The following SEMA6D variants were observed in gnomAD, a reference collection of about 807,000 sequenced individuals.
SEMA6D encodes semaphorin 6D.
In SEMA6D, 35 loss-of-function variants were observed where a neutral mutation model predicts 106.6. The ratio of observed to expected loss-of-function variants is 0.33; its 90% CI spans 0.25 to 0.44. SEMA6D has a LOEUF of 0.44. Among genes scored for constraint, SEMA6D ranks in the 20% least tolerant of loss-of-function variants. SEMA6D has a pLI of 1.00. For synonymous variants in SEMA6D, 499 were observed against 487.7 expected (o/e 1.02, Z -0.31); for missense variants, 1,185 against 1,345.9 (o/e 0.88, Z 1.87).
chr15:47,217,950 T>C (rs1336628188), intron 1 of SEMA6D, among the ~76,000 whole-genome samples: 1 of 151,062 alleles, frequency 6.6e-6, no homozygotes, highest in Non-Finnish European at 1.5e-5. Context: ...AGGGCTCCTC[T>C]CCGCTATAAG....
intron 1 of SEMA6D, among the ~76,000 whole-genome samples, chr15:47,243,773 A>G (rs967687151): frequency 6.6e-6 from 1 of 152,096 alleles, no homozygotes; most frequent in Non-Finnish European, 1.5e-5. Context: ...AGATATGTTG[A>G]GTGTTCTTGT....
At chr15:47,765,402 G>T in intron 13 of SEMA6D, 1 of 1,086,572 alleles carries the variant, frequency 9.2e-7, no homozygotes, top group South Asian at 3.3e-5. Context: ...AAATATACAT[G>T]CACATACATA....
At chr15:47,327,238 C>T (rs575224528) in intron 1 of SEMA6D, among the ~76,000 whole-genome samples, 3 of 152,276 alleles carry the variant, frequency 2.0e-5, no homozygotes, top group African/African-American at 7.2e-5. Context: ...CTGATAACCA[C>T]TTCTAACTCA....
intron 3 of SEMA6D, among the ~76,000 whole-genome samples, chr15:47,548,581 A>G (rs949623337): frequency 1.3e-5 from 2 of 152,212 alleles, no homozygotes; most frequent in Admixed American, 6.6e-5. Flanking sequence ...CAAAGCAAGC[A>G]TGAACACTCT....
intron 4 of SEMA6D, among the ~76,000 whole-genome samples, chr15:47,613,026 C>T (rs1397240403): frequency 6.6e-6 from 1 of 152,058 alleles, no homozygotes; most frequent in Non-Finnish European, 1.5e-5. Flanking sequence ...TGGAGCCTAC[C>T]ATTAGACTTT....
chr15:47,390,840 G>C (rs2040004488), intron 1 of SEMA6D, among the ~76,000 whole-genome samples: 1 of 152,036 alleles, frequency 6.6e-6, no homozygotes, highest in Non-Finnish European at 1.5e-5. Flanking sequence ...ACTAGACTGA[G>C]TTTTTCTTCC....
At chr15:47,568,422 G>A (rs1235887912) in intron 3 of SEMA6D, among the ~76,000 whole-genome samples, 1 of 152,064 alleles carries the variant, frequency 6.6e-6, no homozygotes, top group East Asian at 1.9e-4. Context: ...ATGATTTAAT[G>A]TTGAGTGACA....
chr15:47,479,346 G>A (rs576611265), intron 3 of SEMA6D, among the ~76,000 whole-genome samples: 1 of 152,170 alleles, frequency 6.6e-6, no homozygotes, highest in African/African-American at 2.4e-5. Context: ...TCCTCAACCT[G>A]TTTCTCTATG....
chr15:47,526,839 C>T (rs796846854), intron 3 of SEMA6D, among the ~76,000 whole-genome samples: 4 of 152,064 alleles, frequency 2.6e-5, no homozygotes, highest in African/African-American at 4.8e-5. Flanking sequence ...CGGGTTCAAG[C>T]GATTCTCCTG....
intron 4 of SEMA6D, among the ~76,000 whole-genome samples, chr15:47,622,125 TACTG>T (rs769957494): frequency 1.3e-5 from 2 of 151,012 alleles, no homozygotes; most frequent in South Asian, 2.1e-4. Flanking sequence ...ATAAATAACT[TACTG>T]ACCAAAACTT....
intron 4 of SEMA6D, among the ~76,000 whole-genome samples, chr15:47,613,311 G>T (rs1596449547): frequency 6.6e-6 from 1 of 152,252 alleles, no homozygotes; most frequent in Non-Finnish European, 1.5e-5. Context: ...TTTCAGCACT[G>T]TTTTAATGAA....
intron 2 of SEMA6D, among the ~76,000 whole-genome samples, chr15:47,436,577 TA>T (rs2041710343): frequency 6.6e-6 from 1 of 150,666 alleles, no homozygotes; most frequent in African/African-American, 2.4e-5. Context: ...TTAATGTTCT[TA>T]ATTTTATGAT....
intron 1 of SEMA6D, among the ~76,000 whole-genome samples, chr15:47,343,408 C>G (rs954556278): frequency 7.3e-5 from 11 of 151,176 alleles, no homozygotes; most frequent in Non-Finnish European, 1.5e-4. Context: ...CCTCCCCACT[C>G]CCCCCACCCC....
At chr15:47,581,020 T>A (rs2076245656) in intron 3 of SEMA6D, among the ~76,000 whole-genome samples, 1 of 152,202 alleles carries the variant, frequency 6.6e-6, no homozygotes, top group Admixed American at 6.5e-5. Flanking sequence ...CATCTGCATC[T>A]GGTATTACAA....
intron 1 of SEMA6D, among the ~76,000 whole-genome samples, chr15:47,239,291 C>G (rs1456113887): frequency 6.6e-6 from 1 of 152,154 alleles, no homozygotes; most frequent in Non-Finnish European, 1.5e-5. Context: ...AGAGCTCCCA[C>G]TTATTCTACA....
chr15:47,540,869 G>C (rs2045334633), intron 3 of SEMA6D, among the ~76,000 whole-genome samples: 1 of 152,100 alleles, frequency 6.6e-6, no homozygotes, highest in Non-Finnish European at 1.5e-5. Context: ...CAGACAGAGA[G>C]TACAATTTTT....
intron 2 of SEMA6D, chr15:47,470,331 C>A (rs1295662615): frequency 1.3e-5 from 2 of 151,808 alleles, no homozygotes; most frequent in Non-Finnish European, 2.9e-5. Context: ...GATTGAAGGC[C>A]TAGAATTGCT....
chr15:47,471,921 TCTCTCTCTCTCA>T (rs1402313662), intron 3 of SEMA6D, among the ~76,000 whole-genome samples: 30 of 136,872 alleles, frequency 2.2e-4, no homozygotes, highest in African/African-American at 7.6e-4. Flanking sequence ...TCTCTCTCTC[TCTCTCTCTCTCA>T]CACACACACA....
At chr15:47,483,190 A>G (rs2043202066) in intron 3 of SEMA6D, among the ~76,000 whole-genome samples, 3 of 152,174 alleles carry the variant, frequency 2.0e-5, no homozygotes, top group Admixed American at 2.0e-4. Context: ...TACTGTCAGA[A>G]TATTTGCTGG....
Sources: allele counts gnomAD v4.1 joint callset (sites outside exome capture counted in the v4.1 genomes callset), GRCh38; gene constraint gnomAD v4.1.1; transcripts MANE v1.5; gene names NCBI Gene and HGNC (gene_info 2026-07-23, HGNC 2026-07-21).